SHLD1: variants seen among roughly 807,000 people sequenced by gnomAD.
The protein encoded by SHLD1 is shieldin complex subunit 1.
A neutral mutation model predicts 5.5 loss-of-function variants in SHLD1; 3 were observed. The ratio of observed to expected loss-of-function variants is 0.54; its 90% confidence interval spans 0.25 to 1.40. The LOEUF is 1.40. SHLD1 is among the 40% of genes most tolerant of loss of function. The pLI is 0.15. For missense variants in SHLD1, 210 were observed against 244.4 expected (o/e 0.86, Z 0.94); for synonymous variants, 92 against 94.3 (o/e 0.98, Z 0.14).
chr20:5,754,047 G>A (rs1011493379), intron 1 of SHLD1, among the ~76,000 whole-genome samples: 7 of 152,204 alleles, frequency 4.6e-5, no homozygotes, highest in African/African-American at 1.7e-4. Flanking sequence ...TTACAGGCAT[G>A]AGCCACCACA....
chr20:5,753,736 G>A (rs73894017), intron 1 of SHLD1, among the ~76,000 whole-genome samples: 4,472 of 152,250 alleles, frequency 0.029, 226 homozygotes, highest in African/African-American at 0.1. Context: ...GGGATGGCCA[G>A]CCTCTTAGCA....
chr20:5,798,582 G>T (rs1405354322), intron 2 of SHLD1, among the ~76,000 whole-genome samples: 1 of 145,652 alleles, frequency 6.9e-6, no homozygotes, highest in Non-Finnish European at 1.5e-5. Context: ...GATTACAGGC[G>T]TAAGCCACTG....
intron 2 of SHLD1, among the ~76,000 whole-genome samples, chr20:5,850,870 A>G (rs2088000232): frequency 6.6e-6 from 1 of 152,140 alleles, no homozygotes; most frequent in Non-Finnish European, 1.5e-5. Flanking sequence ...GAACTTGGCC[A>G]TCCTTCACTG....
At chr20:5,841,170 AGTGTGT>A (rs11469039) in intron 2 of SHLD1, among the ~76,000 whole-genome samples, 4,889 of 146,372 alleles carry the variant, frequency 0.033, 180 homozygotes, top group East Asian at 0.12. Context: ...GAAAATAGCG[AGTGTGT>A]GTGTGTGTGT....
chr20:5,848,314 C>T (rs2087956917), intron 2 of SHLD1, among the ~76,000 whole-genome samples: 1 of 152,126 alleles, frequency 6.6e-6, no homozygotes, highest in East Asian at 1.9e-4. Flanking sequence ...CCGAGGCGGG[C>T]AGATCACTTG....
At chr20:5,784,356 T>C (rs2087027442) in intron 2 of SHLD1, among the ~76,000 whole-genome samples, 1 of 152,054 alleles carries the variant, frequency 6.6e-6, no homozygotes, top group African/African-American at 2.4e-5. Context: ...TAGTTCTCTA[T>C]AACTTTCGAT....
intron 2 of SHLD1, among the ~76,000 whole-genome samples, chr20:5,846,211 G>A (rs1439464600): frequency 6.6e-6 from 1 of 152,100 alleles, no homozygotes; most frequent in Non-Finnish European, 1.5e-5. Context: ...TTGTTGATTT[G>A]GACAGATTGT....
intron 2 of SHLD1, among the ~76,000 whole-genome samples, chr20:5,847,518 G>T (rs1196222767): frequency 6.6e-6 from 1 of 152,078 alleles, no homozygotes; most frequent in African/African-American, 2.4e-5. Flanking sequence ...AGACAAAAAT[G>T]TTTTCTGTGT....
intron 1 of SHLD1, among the ~76,000 whole-genome samples, chr20:5,757,950 TAGG>T (rs1984214912): frequency 1.3e-5 from 2 of 152,192 alleles, no homozygotes; most frequent in African/African-American, 2.4e-5. Flanking sequence ...TTCCTGGGAT[TAGG>T]TCCATGTTAG....
chr20:5,789,331 C>G (rs1600123695), intron 2 of SHLD1, among the ~76,000 whole-genome samples: 1 of 151,476 alleles, frequency 6.6e-6, no homozygotes, highest in African/African-American at 2.4e-5. Context: ...AATCCCAACA[C>G]TTTGGGAGGC....
At chr20:5,862,236 A>C (rs987282529) in intron 2 of SHLD1, among the ~76,000 whole-genome samples, 3 of 152,214 alleles carry the variant, frequency 2.0e-5, no homozygotes, top group Non-Finnish European at 4.4e-5. Flanking sequence ...AAACACCTTC[A>C]ACATACTATA....
chr20:5,756,689 CTTTTTT>C (rs35462391), intron 1 of SHLD1: 8 of 80,344 alleles, frequency 1.0e-4, no homozygotes, highest in South Asian at 3.0e-4. Context: ...TTCTTTCTTT[CTTTTTT>C]TTTTTTTTTT....
chr20:5,799,410 C>T (rs1011913398), intron 2 of SHLD1, among the ~76,000 whole-genome samples: 11 of 151,742 alleles, frequency 7.2e-5, no homozygotes, highest in African/African-American at 2.4e-4. Context: ...AAACAATCCT[C>T]CTATCTTGGC....
chr20:5,819,994 C>G (rs896319915), intron 2 of SHLD1, among the ~76,000 whole-genome samples: 3 of 152,158 alleles, frequency 2.0e-5, no homozygotes, highest in Admixed American at 2.0e-4. Context: ...CCCAGACAGG[C>G]TGGAGTGCAG....
intron 1 of SHLD1, among the ~76,000 whole-genome samples, chr20:5,760,828 TA>T (rs1984420303): frequency 6.6e-6 from 1 of 151,910 alleles, no homozygotes; most frequent in Non-Finnish European, 1.5e-5. Context: ...AGTTACGAAA[TA>T]AGCATTTTAG....
At chr20:5,769,378 G>A (rs938061037) in intron 1 of SHLD1, among the ~76,000 whole-genome samples, 1 of 152,190 alleles carries the variant, frequency 6.6e-6, no homozygotes, top group African/African-American at 2.4e-5. Flanking sequence ...AGAAAACAGG[G>A]TAAACAAATA....
At chr20:5,820,394 AG>A (rs2087593490) in intron 2 of SHLD1, among the ~76,000 whole-genome samples, 6 of 152,258 alleles carry the variant, frequency 3.9e-5, no homozygotes. Flanking sequence ...AAGCAAATTC[AG>A]TGCCTTTATT....
At chr20:5,805,966 G>A (rs2122355070) in intron 2 of SHLD1, among the ~76,000 whole-genome samples, 1 of 152,280 alleles carries the variant, frequency 6.6e-6, no homozygotes, top group African/African-American at 2.4e-5. Flanking sequence ...TCTATTGAAT[G>A]GGGAGAAAGC....
chr20:5,750,516 T>TGGGGGGGGG (rs1983681782), intron 1 of SHLD1, 37 bp downstream of exon 1: 5 of 17,436 alleles, frequency 2.9e-4, no homozygotes, highest in African/African-American at 2.5e-4. Flanking sequence ...GTTGGAGTGG[T>TGGGGGGGGG]GGGGGCGGGG....
Sources: allele counts gnomAD v4.1 joint callset (sites outside exome capture counted in the v4.1 genomes callset), GRCh38; gene constraint gnomAD v4.1.1; transcripts MANE v1.5; gene names NCBI Gene and HGNC (gene_info 2026-07-23, HGNC 2026-07-21).